The following ABCC4 variants were observed in gnomAD, a reference collection of about 807,000 sequenced individuals.
ABCC4 encodes the protein ATP-binding cassette sub-family C member 4.
Under a neutral mutation model 168.5 loss-of-function variants are expected in ABCC4, and 102 were observed. The observed-to-expected ratio is 0.61, with a 90% CI of 0.52 to 0.71. The LOEUF is 0.71. ABCC4 is among the 30% of genes least tolerant of loss of function. ABCC4 has a pLI of 0.00. For missense variants in ABCC4, 1,402 were observed against 1,605.8 expected (o/e 0.87, Z 2.17); for synonymous variants, 617 against 590.7 (o/e 1.04, Z -0.65).
Position 95,115,905 on chromosome 13 carries a change from A to T in ABCC4, c.2535+17T>A. The T allele has an allele frequency of 6.2e-7, 1 of 1,601,832 alleles. No homozygotes were observed. Among genetic ancestry groups the T allele is most frequent in the Non-Finnish European group, 8.5e-7 (1 of 1,172,592 alleles). On this transcript the variant is annotated intron_variant, in intron 20 of 30. Coordinates refer to ENST00000645237, the MANE Select transcript of ABCC4 (RefSeq NM_005845.5). ...TCCGTTTTCCATTTGAGATCCTGAC[A>T]TTACTCTCAACGTTACCTGGATGAA...
intron 4 of ABCC4, among the ~76,000 whole-genome samples, chr13:95,228,190 A>G (rs61965965): frequency 0.082 from 12,412 of 152,194 alleles, 606 homozygotes; most frequent in African/African-American, 0.12. Context: ...CACTGAGAAA[A>G]CCCAGAGGGA....
chr13:95,294,007 A>C (rs973790692), intron 1 of ABCC4, among the ~76,000 whole-genome samples: 3 of 151,938 alleles, frequency 2.0e-5, no homozygotes, highest in Admixed American at 6.6e-5. Context: ...TCCTGTTCTC[A>C]AAGAGCTCAC....
intron 20 of ABCC4, among the ~76,000 whole-genome samples, chr13:95,083,501 C>T (rs1259953531): frequency 6.6e-6 from 1 of 151,270 alleles, no homozygotes; most frequent in Admixed American, 6.6e-5. Flanking sequence ...ATGATATAAA[C>T]TTATCCATTA....
intron 19 of ABCC4, among the ~76,000 whole-genome samples, chr13:95,154,948 CT>C (rs1395508549): frequency 1.3e-5 from 2 of 152,058 alleles, no homozygotes; most frequent in African/African-American, 4.8e-5. Context: ...ATTGATGACT[CT>C]TTTTTTCTGG....
chr13:95,282,724 A>T (rs757554101), intron 1 of ABCC4, among the ~76,000 whole-genome samples: 2 of 151,478 alleles, frequency 1.3e-5, no homozygotes, highest in African/African-American at 4.8e-5. Flanking sequence ...TAGTAGAGAC[A>T]GGGTTTCACC....
intron 8 of ABCC4, among the ~76,000 whole-genome samples, chr13:95,199,696 C>T (rs186794711): frequency 6.6e-6 from 1 of 152,310 alleles, no homozygotes; most frequent in East Asian, 1.9e-4. Flanking sequence ...TCTTCCGGGA[C>T]TGCTTGCTGC....
At chr13:95,044,717 T>G (rs2032505083) in intron 27 of ABCC4, among the ~76,000 whole-genome samples, 1 of 152,206 alleles carries the variant, frequency 6.6e-6, no homozygotes, top group East Asian at 1.9e-4. Context: ...GGTCACGTGT[T>G]AATACTGCCT....
intron 1 of ABCC4, among the ~76,000 whole-genome samples, chr13:95,249,513 T>TCCGGA (rs1415340502): frequency 6.6e-6 from 1 of 152,170 alleles, no homozygotes; most frequent in Non-Finnish European, 1.5e-5. Context: ...TGTTCAGGAT[T>TCCGGA]CCGGAAACCT....
intron 3 of ABCC4, among the ~76,000 whole-genome samples, 160 bp downstream of exon 3, chr13:95,246,815 A>G (rs2138804819): frequency 6.6e-6 from 1 of 152,210 alleles, no homozygotes; most frequent in East Asian, 1.9e-4. Context: ...ACTACCTAAT[A>G]CTTCCTAGAC....
chr13:95,175,349 G>T (rs932302845), intron 13 of ABCC4, among the ~76,000 whole-genome samples: 1 of 151,750 alleles, frequency 6.6e-6, no homozygotes, highest in South Asian at 2.1e-4. Context: ...AATCTCACTC[G>T]TCATCCAGGC....
At chr13:95,034,819 G>A in intron 29 of ABCC4, 80 bp from the exon 30 acceptor site, 4 of 1,593,046 alleles carry the variant, frequency 2.5e-6, no homozygotes, top group Non-Finnish European at 3.4e-6. Context: ...ATTTCGGAAA[G>A]GGGCAGGAGA....
At chr13:95,033,334 G>T (rs2031968900) in intron 30 of ABCC4, among the ~76,000 whole-genome samples, 1 of 152,100 alleles carries the variant, frequency 6.6e-6, no homozygotes, top group Admixed American at 6.5e-5. Flanking sequence ...GAACAGTTTT[G>T]ATGGGAGCCT....
chr13:95,021,218 G>A lies in ABCC4; in HGVS notation c.*357C>T, dbSNP rs1026823542. 1 of 177,244 alleles carries A rather than the reference G, an allele frequency of 5.6e-6. No individual in the cohort carries two copies. Among genetic ancestry groups the A allele is most frequent in the African/African-American group, 2.4e-5 (1 of 42,494 alleles). 11.0% of individuals were successfully genotyped at this position (177,244 alleles called of 1,614,324 possible). Reference sequence around the variant, plus strand: ...CCCTGATATAAATGGAAATTAACATGTAATTTTGGGGGCAATAAAAACAAC... The same window carrying A: ...CCCTGATATAAATGGAAATTAACATATAATTTTGGGGGCAATAAAAACAAC... On this transcript the variant is annotated 3_prime_UTR_variant, in exon 31 of 31. Transcript: ENST00000645237.
intron 20 of ABCC4, among the ~76,000 whole-genome samples, chr13:95,110,308 C>CA (rs61438342): frequency 0.56 from 58,352 of 104,342 alleles, 14,401 homozygotes; most frequent in South Asian, 0.71. Flanking sequence ...GACTCTGTCT[C>CA]AAAAAAAAAA....
Position 95,164,490 on chromosome 13 carries a change from T to C in ABCC4, c.2063A>G (p.Glu688Gly). 1 of 1,614,090 alleles carries C rather than the reference T, an allele frequency of 6.2e-7. No homozygotes were observed. Among genetic ancestry groups the C allele is most frequent in the Non-Finnish European group, 8.5e-7 (1 of 1,180,008 alleles). ...DTENVPVTLSEENRSEGKVGF... is the reference protein window; with the variant it reads ...DTENVPVTLSGENRSEGKVGF... ...AACTTTTCCTTCAGAACGGTTCTCCTCTGATAGTGTAACTGGGACATTCTC... is the reference window on the plus strand; with the variant it reads ...AACTTTTCCTTCAGAACGGTTCTCCCCTGATAGTGTAACTGGGACATTCTC... Residue 688 changes from glutamate to glycine, a missense_variant, in exon 16 of 31, where the codon GAG becomes GGG. Physicochemically the swap from Glu to Gly is moderately conservative, Grantham distance 98. Coordinates refer to ENST00000645237, the MANE Select transcript of ABCC4 (RefSeq NM_005845.5).
intron 11 of ABCC4, among the ~76,000 whole-genome samples, chr13:95,185,911 T>TAAAA (rs2038042745): frequency 6.6e-6 from 1 of 152,000 alleles, no homozygotes; most frequent in African/African-American, 2.4e-5. Context: ...AAATAATAAA[T>TAAAA]TGCACTGTAA....
intron 26 of ABCC4, among the ~76,000 whole-genome samples, chr13:95,059,821 T>C (rs1352311843): frequency 2.0e-5 from 3 of 152,200 alleles, no homozygotes; most frequent in Non-Finnish European, 2.9e-5. Context: ...ATAGTTACTA[T>C]TGAGCATTCC....
intron 19 of ABCC4, among the ~76,000 whole-genome samples, chr13:95,156,386 T>C (rs1017254128): frequency 6.6e-6 from 1 of 152,218 alleles, no homozygotes; most frequent in Non-Finnish European, 1.5e-5. Flanking sequence ...ACTGAAATAC[T>C]GCAGATCATG....
chr13:95,114,697 C>A (rs1228747507), intron 20 of ABCC4, among the ~76,000 whole-genome samples: 1 of 152,176 alleles, frequency 6.6e-6, no homozygotes, highest in Non-Finnish European at 1.5e-5. Context: ...CAGTCACATG[C>A]TCATTTGCTG....
Sources: gnomAD v4.1 joint callset for allele counts (sites outside exome capture counted in the v4.1 genomes callset) on GRCh38, gnomAD v4.1.1 for gene constraint, MANE v1.5 for transcripts, NCBI Gene and HGNC (gene_info 2026-07-23, HGNC 2026-07-21) for gene names.